Variants in DCAF6 observed in about 807,000 individuals in gnomAD.
DCAF6 encodes DDB1- and CUL4-associated factor 6.
A neutral mutation model predicts 125.1 loss-of-function variants in DCAF6; 54 were observed. That is an observed-to-expected ratio of 0.43 (90% CI 0.35 to 0.54). DCAF6 has a LOEUF of 0.54. Among genes scored for constraint, DCAF6 ranks in the 20% least tolerant of loss-of-function variants. The probability of loss-of-function intolerance (pLI) is 0.01; values close to 1 mark genes in which losing one functional copy is unlikely to be tolerated. For synonymous variants in DCAF6, 371 were observed against 390.4 expected (o/e 0.95, Z 0.58); for missense variants, 934 against 1,161.7 (o/e 0.80, Z 2.85).
rs142342970 is a variant in DCAF6, at chr1:168,031,510, C to T, written c.1610-6861C>T. On this transcript the variant is annotated intron_variant, in intron 12 of 21. Coordinates refer to ENST00000367840, the MANE Select transcript of DCAF6 (RefSeq NM_001198956.2). The stretch of plus-strand genomic sequence containing the variant: ...ATAGGCCAGATTTTAGAGCAGGAGA[C>T]GAAAAAATGGAAATGAGAAGAAAAG... Among the ~76,000 whole-genome samples, 28 of 151,500 alleles carry T rather than the reference C, an allele frequency of 1.8e-4. No homozygotes were observed. The East Asian group carries it at 4.5e-3, about 24-fold the overall frequency.
At chr1:167,935,629 G>T (rs1671108499), upstream of DCAF6, 5 of 872,426 alleles carry the variant, frequency 5.7e-6, no homozygotes, top group South Asian at 4.5e-5. Context: ...AGGGATTGGG[G>T]CTGTGGATGC....
At chr1:167,950,286 AAAATG>A (rs1453446462) in intron 1 of DCAF6, among the ~76,000 whole-genome samples, 2 of 152,236 alleles carry the variant, frequency 1.3e-5, no homozygotes, top group Non-Finnish European at 2.9e-5. Flanking sequence ...TCCTTTGACC[AAAATG>A]AAATGAGTTT....
At chr1:168,020,976 A>G (rs1312625441) in intron 11 of DCAF6, among the ~76,000 whole-genome samples, 1 of 152,172 alleles carries the variant, frequency 6.6e-6, no homozygotes, top group Non-Finnish European at 1.5e-5. Context: ...TCAGAAATAC[A>G]CAATGTCTAT....
At chr1:168,042,353 G>C (rs1227692953) in intron 13 of DCAF6, among the ~76,000 whole-genome samples, 1 of 151,994 alleles carries the variant, frequency 6.6e-6, no homozygotes, top group African/African-American at 2.4e-5. Flanking sequence ...CATATGCCAT[G>C]ATTTGTCACA....
In DCAF6 at chr1:168,038,451, A is replaced by T; in HGVS notation, c.1690A>T (p.Thr564Ser). 2 of 1,610,176 alleles carry T rather than the reference A, an allele frequency of 1.2e-6. No individual in the cohort carries two copies. The highest frequency in any genetic ancestry group is 2.7e-5 in the African/African-American group (2 of 74,920). ...LSLHYSTEGT[T>S]TSTIKLNFTD... ...TTTGCACTACAGCACAGAAGGAACA[A>T]CTACAAGCACAATAAAACTGAACTT... The change falls in exon 13 of 22, where the codon ACT becomes TCT. Residue 564 changes from threonine (T) to serine (S), a missense_variant. Thr to Ser is a moderately conservative substitution (Grantham distance 58). Coordinates refer to ENST00000367840, the MANE Select transcript of DCAF6 (RefSeq NM_001198956.2).
At chr1:167,938,616 T>G (rs1251153058) in intron 1 of DCAF6, among the ~76,000 whole-genome samples, 1 of 152,210 alleles carries the variant, frequency 6.6e-6, no homozygotes, top group Admixed American at 6.5e-5. Flanking sequence ...AGTATTTCTT[T>G]TAGAATTTAT....
At chr1:168,018,339 A>G (rs1203655207) in intron 11 of DCAF6, among the ~76,000 whole-genome samples, 2 of 152,240 alleles carry the variant, frequency 1.3e-5, no homozygotes, top group Non-Finnish European at 2.9e-5. Flanking sequence ...GAGCTGTATA[A>G]AATAGGTATT....
the DCAF6 span, among the ~76,000 whole-genome samples, chr1:167,884,552 C>G: frequency 2.6e-5 from 4 of 152,228 alleles, no homozygotes; most frequent in Non-Finnish European, 4.4e-5. Flanking sequence ...CCCTGTTGTA[C>G]TAGCAAATAC....
intron 10 of DCAF6, 42 bp downstream of exon 10, chr1:168,004,835 A>G: frequency 6.3e-7 from 1 of 1,583,836 alleles, no homozygotes; most frequent in Middle Eastern, 1.7e-4. Context: ...GATTTTTGAT[A>G]GTGAAAATTT....
chr1:167,939,762 C>CATAA lies in DCAF6; in HGVS notation c.97+2776_97+2779dup, dbSNP rs144622238. Among the ~76,000 whole-genome samples, 376 of 151,428 alleles carry CATAA rather than the reference C, an allele frequency of 2.5e-3. 1 individual carries two copies. Among genetic ancestry groups the CATAA allele is most frequent in the African/African-American group, 6.6e-3 (273 of 41,226 alleles). On this transcript the variant is annotated intron_variant, in intron 1 of 21. Coordinates refer to ENST00000367840, the MANE Select transcript of DCAF6 (RefSeq NM_001198956.2). ...TGGGCGACAGAGGGAAACTCTGCGTCATAAATAAATAAATAAATAAATAAA... is the reference window on the plus strand; with the variant it reads ...TGGGCGACAGAGGGAAACTCTGCGTCATAAATAAATAAATAAATAAATAAATAAA...
chr1:167,875,144 A>G, the DCAF6 span: 5 of 1,614,080 alleles, frequency 3.1e-6, no homozygotes, highest in Non-Finnish European at 8.5e-7. Context: ...GCAAAGGGTA[A>G]TCCTCCTTTC....
At chr1:167,906,578 G>C in the DCAF6 span, among the ~76,000 whole-genome samples, 2 of 149,428 alleles carry the variant, frequency 1.3e-5, no homozygotes, top group Non-Finnish European at 3.0e-5. Flanking sequence ...GCTTGAGCCC[G>C]AGTTCGAGAC....
At chr1:168,042,075 T>A (rs564080950) in intron 13 of DCAF6, among the ~76,000 whole-genome samples, 1 of 152,014 alleles carries the variant, frequency 6.6e-6, no homozygotes, top group African/African-American at 2.4e-5. Context: ...ATATATGTAC[T>A]CTCTTTTTTT....
At chr1:167,931,999 A>G (rs1442215875), upstream of DCAF6, among the ~76,000 whole-genome samples, 1 of 152,224 alleles carries the variant, frequency 6.6e-6, no homozygotes, top group Non-Finnish European at 1.5e-5. Flanking sequence ...GTTAAGAATG[A>G]TATTCTCAGC....
At chr1:167,986,414 G>A (rs1299736878) in intron 4 of DCAF6, among the ~76,000 whole-genome samples, 1 of 152,084 alleles carries the variant, frequency 6.6e-6, no homozygotes, top group Non-Finnish European at 1.5e-5. Flanking sequence ...ATATCTTTGT[G>A]GTGGTAATTT....
At chr1:167,982,976 G>A (rs1276449958) in intron 4 of DCAF6, among the ~76,000 whole-genome samples, 2 of 152,106 alleles carry the variant, frequency 1.3e-5, no homozygotes, top group Non-Finnish European at 2.9e-5. Context: ...GACTGTAGGT[G>A]TGTGGCTTTA....
the DCAF6 span, chr1:167,904,600 CA>C: frequency 2.1e-6 from 1 of 469,462 alleles, no homozygotes; most frequent in Non-Finnish European, 3.8e-6. Flanking sequence ...ACACACATTT[CA>C]AACACTTCTG....
At chr1:167,897,383 G>A in the DCAF6 span, among the ~76,000 whole-genome samples, 4 of 150,650 alleles carry the variant, frequency 2.7e-5, no homozygotes, top group Non-Finnish European at 5.9e-5. Flanking sequence ...TGTGGTCCCA[G>A]TTACTCAGGA....
chr1:167,876,911 A>T, the DCAF6 span, among the ~76,000 whole-genome samples: 1 of 152,144 alleles, frequency 6.6e-6, no homozygotes, highest in African/African-American at 2.4e-5. Context: ...AACATGCTGG[A>T]TGGAAGATGA....
Sources: allele counts gnomAD v4.1 joint callset (sites outside exome capture counted in the v4.1 genomes callset), GRCh38; gene constraint gnomAD v4.1.1; transcripts MANE v1.5; gene names NCBI Gene and HGNC (gene_info 2026-07-23, HGNC 2026-07-21).